PDCD5: variants seen among roughly 807,000 people sequenced by gnomAD.
The protein encoded by PDCD5 is programmed cell death protein 5.
Under a neutral mutation model 21.9 loss-of-function variants are expected in PDCD5, and 23 were observed. The observed-to-expected ratio is 1.05, with a 90% CI of 0.76 to 1.49. The LOEUF is 1.49. Among genes scored for constraint, PDCD5 ranks in the 40% most tolerant of loss-of-function variants. PDCD5 has a pLI of 0.00. For synonymous variants in PDCD5, 45 were observed against 49.4 expected, an observed-to-expected ratio of 0.91 and a Z score of 0.37; for missense variants, 152 against 147.7, an observed-to-expected ratio of 1.03 and a Z score of -0.15.
chr19:32,583,543 G>A (rs974161381), intron 2 of PDCD5, among the ~76,000 whole-genome samples: 3 of 151,124 alleles, frequency 2.0e-5, no homozygotes, highest in African/African-American at 4.9e-5. Context: ...TTGGCCTCCC[G>A]AGAAACCCCA....
At chr19:32,587,150 A>T in intron 5 of PDCD5, 103 bp from the exon 6 acceptor site, 1 of 1,002,806 alleles carries the variant, frequency 1.0e-6, no homozygotes, top group Non-Finnish European at 1.6e-6. Flanking sequence ...AAGTTGCTTT[A>T]AAGACACAAA....
intron 4 of PDCD5, chr19:32,586,250 A>G: frequency 7.0e-7 from 1 of 1,430,998 alleles, no homozygotes; most frequent in South Asian, 1.5e-5. Context: ...TTTGCAGATG[A>G]GAAGGTGCTA....
chr19:32,582,590 T>G (rs1971439330), intron 2 of PDCD5, among the ~76,000 whole-genome samples: 2 of 152,204 alleles, frequency 1.3e-5, no homozygotes, highest in Non-Finnish European at 2.9e-5. Context: ...TCTGATTGTT[T>G]TATCCCAACA....
Position 32,582,226 on chromosome 19 carries a change from A to T in PDCD5, c.98A>T (p.Lys33Met), listed in dbSNP as rs766225835. 2 of 1,613,134 alleles carry T rather than the reference A, an allele frequency of 1.2e-6. No individual in the cohort carries two copies. Among genetic ancestry groups the T allele is most frequent in the African/African-American group, 2.7e-5 (2 of 74,898 alleles). Residue 33 changes from lysine (K) to methionine (M), a missense_variant, in exon 2 of 6, where the codon AAG becomes ATG. Transcript: ENST00000590247. ...DPGDAAQQEA[K>M]HREAEMRNSI... The stretch of plus-strand genomic sequence containing the variant: ...GGTGATGCGGCCCAACAGGAAGCAA[A>T]GCACAGGTATGGGCTGGAAACGTGA...
chr19:32,586,805 A>T, intron 4 of PDCD5, 53 bp from the exon 5 acceptor site: 2 of 1,581,422 alleles, frequency 1.3e-6, no homozygotes, highest in Non-Finnish European at 8.6e-7. Flanking sequence ...CTGCAGAGGT[A>T]AATTCTTTGT....
chr19:32,586,772 A>G (rs1275285515), intron 4 of PDCD5, 86 bp from the exon 5 acceptor site: 29 of 1,509,336 alleles, frequency 1.9e-5, no homozygotes, highest in African/African-American at 2.8e-5. Context: ...CCACACCTCA[A>G]AAAGAGTACA....
chr19:32,584,599 C>G (rs1040397383), intron 2 of PDCD5, among the ~76,000 whole-genome samples: 2 of 152,164 alleles, frequency 1.3e-5, no homozygotes, highest in African/African-American at 4.8e-5. Context: ...GTCACATGGT[C>G]CTTCTAATTG....
intron 2 of PDCD5, among the ~76,000 whole-genome samples, chr19:32,584,675 G>A (rs1312029286): frequency 6.6e-6 from 1 of 152,202 alleles, no homozygotes; most frequent in Non-Finnish European, 1.5e-5. Context: ...TGTTGGTGAT[G>A]GTGTTTGAAC....
At position 32,581,242 on chromosome 19, in the gene PDCD5, TC is replaced by T; in HGVS notation, c.-18del. 1 of 1,483,864 alleles carries T rather than the reference TC, an allele frequency of 6.7e-7. No individual in the cohort carries two copies. Among genetic ancestry groups the T allele is most frequent in the Non-Finnish European group, 9.0e-7 (1 of 1,114,280 alleles). 91.9% of individuals were successfully genotyped at this position (1,483,864 alleles called of 1,614,324 possible). A position where few individuals can be genotyped will look rare whatever the true frequency, so the allele number is the denominator to read the frequency against. ...GGGCTGCGAGAGTGACCGCGGCTGC[TC>T]CAGCGCTGACGCCGAGCCATGGCGG... On this transcript the variant is annotated 5_prime_UTR_variant, in exon 1 of 6. Coordinates refer to ENST00000590247, the MANE Select transcript of PDCD5 (RefSeq NM_004708.4).
chr19:32,586,680 T>C, intron 4 of PDCD5, 178 bp from the exon 5 acceptor site: 1 of 1,312,068 alleles, frequency 7.6e-7, no homozygotes. Context: ...CAGAGCAAAT[T>C]TTATTTGGAA....
At chr19:32,587,153 G>A in intron 5 of PDCD5, 100 bp from the exon 6 acceptor site, 3 of 1,024,428 alleles carry the variant, frequency 2.9e-6, no homozygotes, top group East Asian at 2.4e-5. Context: ...TTGCTTTAAA[G>A]ACACAAATGT....
At chr19:32,586,330 T>C in intron 4 of PDCD5, 1 of 1,305,506 alleles carries the variant, frequency 7.7e-7, no homozygotes, top group African/African-American at 1.5e-5. Flanking sequence ...ACCTGGCCTT[T>C]GAGATCAAGA....
At chr19:32,583,719 CAGG>C (rs1291334860) in intron 2 of PDCD5, among the ~76,000 whole-genome samples, 3 of 152,020 alleles carry the variant, frequency 2.0e-5, no homozygotes, top group Non-Finnish European at 2.9e-5. Context: ...CCCAGCTACT[CAGG>C]AGGCCGAGGG....
At position 32,586,783 on chromosome 19, in the gene PDCD5, A is replaced by G. The variant is rs540888881; in HGVS notation, c.259-75A>G. 71 of 1,547,404 alleles carry G rather than the reference A, an allele frequency of 4.6e-5. No homozygotes were observed. In the South Asian group the frequency reaches 8.4e-4, roughly 18 times the overall value. On this transcript the variant is annotated intron_variant, in intron 4 of 5. Coordinates refer to ENST00000590247, the MANE Select transcript of PDCD5 (RefSeq NM_004708.4). ...TTCCCCACACCTCAAAAAGAGTACA[A>G]AGTGATTCCATCTGCAGAGGTAAAT...
Position 32,585,915 on chromosome 19 carries a change from T to A in PDCD5, c.258+8T>A, listed in dbSNP as rs1568388242. The A allele has an allele frequency of 6.2e-7, 1 of 1,613,566 alleles. No homozygotes were observed. The highest frequency in any genetic ancestry group is 2.2e-5 in the East Asian group (1 of 44,878). On this transcript the variant is annotated splice_region_variant and intron_variant, in intron 4 of 5. Transcript: ENST00000590247. ...GGACAACTAAGTGAGAAGGTAAGCT[T>A]AGACAGCCTTGAGGAACTTTACTGT...
At position 32,587,414 on chromosome 19, in the gene PDCD5, T is replaced by C. The variant is rs564126608; in HGVS notation, c.*114T>C. Reference sequence around the variant, plus strand: ...GCCTTTTAAAAAAATAAACTTGTTATGCAAAATAAAACATTTGGGTAAGTT... The same window carrying C: ...GCCTTTTAAAAAAATAAACTTGTTACGCAAAATAAAACATTTGGGTAAGTT... On this transcript the variant is annotated 3_prime_UTR_variant, in exon 6 of 6. Transcript: ENST00000590247. The C allele has an allele frequency of 2.0e-5, 13 of 665,360 alleles. No homozygotes were observed. The South Asian group carries it at 2.6e-4, about 13-fold the overall frequency. 41.2% of individuals were successfully genotyped at this position (665,360 alleles called of 1,614,324 possible).
intron 5 of PDCD5, 40 bp from the exon 6 acceptor site, chr19:32,587,213 T>C: frequency 7.0e-7 from 1 of 1,427,226 alleles, no homozygotes; most frequent in African/African-American, 1.4e-5. Context: ...AGTTATGCTT[T>C]ATTAGAAATG....
At position 32,586,136 on chromosome 19, in the gene PDCD5, C is replaced by T. The variant is rs576756301; in HGVS notation, c.258+229C>T. 3.3e-6 allele frequency: 5 copies of T among 1,499,374 alleles called. No homozygotes were observed. The African/African-American group carries it at 5.5e-5, about 17-fold the overall frequency. 92.9% of individuals were successfully genotyped at this position (1,499,374 alleles called of 1,614,324 possible). ...TCTGGAACCTTGTTGGTGTCTGTGA[C>T]CCAATGACTGTTAGGGTCAGCTAGC... On this transcript the variant is annotated intron_variant, in intron 4 of 5. Coordinates refer to ENST00000590247, the MANE Select transcript of PDCD5 (RefSeq NM_004708.4).
At chr19:32,582,925 T>A (rs1169660506) in intron 2 of PDCD5, among the ~76,000 whole-genome samples, 1 of 152,178 alleles carries the variant, frequency 6.6e-6, no homozygotes, top group East Asian at 1.9e-4. Flanking sequence ...AAGGGAGGGT[T>A]CGGGAGAAGA....
Sources: gnomAD v4.1 joint callset for allele counts (sites outside exome capture counted in the v4.1 genomes callset) on GRCh38, gnomAD v4.1.1 for gene constraint, MANE v1.5 for transcripts, NCBI Gene and HGNC (gene_info 2026-07-23, HGNC 2026-07-21) for gene names.